Variants in APC observed in about 807,000 individuals in gnomAD.
APC encodes adenomatous polyposis coli protein.
A neutral mutation model predicts 247.0 loss-of-function variants in APC; 72 were observed. The ratio of observed to expected loss-of-function variants is 0.29; its 90% CI spans 0.24 to 0.35. The LOEUF is 0.35. APC is among the 10% of genes least tolerant of loss of function. The pLI is 1.00. For synonymous variants in APC, 1,254 were observed against 1,162.5 expected (o/e 1.08, Z -1.60); for missense variants, 3,400 against 3,360.7 (o/e 1.01, Z -0.29).
Position 112,805,929 on chromosome 5 carries a change from A to G in APC, c.834+4546A>G, listed in dbSNP as rs1465651998. ...GCTTCCCTTGATTCTTAGAAAAATG[A>G]TAACCATTTATTGTGACCCAGGTAA... On this transcript the variant is annotated intron_variant, in intron 8 of 15. Coordinates refer to ENST00000257430, the MANE Select transcript of APC (RefSeq NM_000038.6). Among the ~76,000 whole-genome samples the G allele has an allele frequency of 2.0e-5, 3 of 152,300 alleles. No individual in the cohort carries two copies. In the Middle Eastern group the frequency reaches 0.01, roughly 518 times the overall value.
chr5:112,789,755 C>G (rs114697176), intron 6 of APC, among the ~76,000 whole-genome samples: 1,712 of 152,288 alleles, frequency 0.011, 19 homozygotes, highest in Non-Finnish European at 0.014. Context: ...AATGATCACT[C>G]ATCTTTGCAA....
chr5:112,726,439 C>T (rs1418576700), intron 1 of APC, among the ~76,000 whole-genome samples: 4 of 152,160 alleles, frequency 2.6e-5, no homozygotes, highest in African/African-American at 7.2e-5. Context: ...AAACTCCTCT[C>T]GGCGTTCAAA....
intron 1 of APC, among the ~76,000 whole-genome samples, chr5:112,708,590 G>A (rs778443742): frequency 6.6e-6 from 1 of 152,182 alleles, no homozygotes; most frequent in Non-Finnish European, 1.5e-5. Context: ...TGCAGTACAT[G>A]TAAGACATCA....
chr5:112,759,356 CTTTT>C (rs887438895), intron 2 of APC, among the ~76,000 whole-genome samples: 3 of 122,334 alleles, frequency 2.5e-5, no homozygotes, highest in African/African-American at 6.5e-5. Context: ...TTCTTTCTTT[CTTTT>C]TTTTTTTTTT....
intron 1 of APC, among the ~76,000 whole-genome samples, chr5:112,709,937 C>G (rs570944534): frequency 6.6e-6 from 1 of 152,242 alleles, no homozygotes; most frequent in South Asian, 2.1e-4. Flanking sequence ...CTCTTCCACT[C>G]TTATGGAATT....
At chr5:112,810,003 A>G (rs1216832831) in intron 8 of APC, 1 of 352,352 alleles carries the variant, frequency 2.8e-6, no homozygotes, top group Admixed American at 3.7e-5. Flanking sequence ...CTCAAAAAAA[A>G]AAGTAGAAGA....
intron 7 of APC, among the ~76,000 whole-genome samples, chr5:112,797,787 G>A (rs568294786): frequency 6.6e-6 from 1 of 152,188 alleles, no homozygotes; most frequent in Admixed American, 6.5e-5. Flanking sequence ...ATTTAAATAG[G>A]CATTTCACCA....
intron 1 of APC, among the ~76,000 whole-genome samples, chr5:112,721,597 A>G (rs1300125137): frequency 2.6e-5 from 4 of 152,200 alleles, no homozygotes; most frequent in African/African-American, 9.7e-5. Flanking sequence ...TAATCCACGT[A>G]GACTTTGAAG....
At chr5:112,752,736 A>T (rs915701823) in intron 1 of APC, among the ~76,000 whole-genome samples, 6 of 152,170 alleles carry the variant, frequency 3.9e-5, no homozygotes, top group African/African-American at 1.4e-4. Flanking sequence ...TGGATTAGGG[A>T]GGTATGGCTG....
At chr5:112,764,517 A>AGAAT (rs1330779977) in intron 2 of APC, among the ~76,000 whole-genome samples, 1 of 152,228 alleles carries the variant, frequency 6.6e-6, no homozygotes, top group Non-Finnish European at 1.5e-5. Context: ...TTTAACTGAG[A>AGAAT]GAATACAAGG....
rs1299245143 is a variant in APC at position 112,844,873 on chromosome 5, A to G, written c.*747A>G. Reference sequence around the variant, plus strand: ...TTTGCTATGCTGTAATTTGTTGTATATTCTGGTATTTGAGGTGAGATGGCT... The same window carrying G: ...TTTGCTATGCTGTAATTTGTTGTATGTTCTGGTATTTGAGGTGAGATGGCT... On this transcript the variant is annotated 3_prime_UTR_variant, in exon 16 of 16. Coordinates refer to ENST00000257430, the MANE Select transcript of APC (RefSeq NM_000038.6). 4.3e-6 allele frequency: 1 copy of G among 232,340 alleles called. No individual in the cohort carries two copies. Among genetic ancestry groups the G allele is most frequent in the Admixed American group, 5.6e-5 (1 of 17,758 alleles). 14.4% of individuals were successfully genotyped at this position (232,340 alleles called of 1,614,324 possible). A position where few individuals can be genotyped will look rare whatever the true frequency, so the allele number is the denominator to read the frequency against.
intron 8 of APC, among the ~76,000 whole-genome samples, chr5:112,812,708 G>A (rs917232431): frequency 4.6e-5 from 7 of 152,170 alleles, no homozygotes; most frequent in East Asian, 1.9e-4. Context: ...TTACCCACAC[G>A]TATTTTCATG....
At chr5:112,770,192 A>C (rs1756884596) in intron 4 of APC, among the ~76,000 whole-genome samples, 1 of 152,220 alleles carries the variant, frequency 6.6e-6, no homozygotes, top group African/African-American at 2.4e-5. Flanking sequence ...GTGGTAAGGA[A>C]TACTTGTAAT....
intron 7 of APC, among the ~76,000 whole-genome samples, chr5:112,795,741 A>T (rs1760148623): frequency 6.6e-6 from 1 of 152,250 alleles, no homozygotes; most frequent in East Asian, 1.9e-4. Context: ...CAAAGTGTCA[A>T]ATACGTTTTT....
At chr5:112,787,093 GC>G (rs1759044507) in intron 6 of APC, among the ~76,000 whole-genome samples, 2 of 151,928 alleles carry the variant, frequency 1.3e-5, no homozygotes, top group South Asian at 4.2e-4. Context: ...TCACTATGTT[GC>G]CCAGTCTGGC....
intron 6 of APC, among the ~76,000 whole-genome samples, chr5:112,789,984 C>G (rs1161149888): frequency 6.6e-6 from 1 of 152,204 alleles, no homozygotes; most frequent in Non-Finnish European, 1.5e-5. Context: ...CTCAGCTTCC[C>G]AAGTCACTGG....
At chr5:112,788,476 C>G (rs908138278) in intron 6 of APC, among the ~76,000 whole-genome samples, 2 of 152,174 alleles carry the variant, frequency 1.3e-5, no homozygotes, top group East Asian at 3.8e-4. Flanking sequence ...GGTAAATTCT[C>G]TGCCTCAGTT....
intron 6 of APC, chr5:112,783,839 T>C (rs1452048122): frequency 6.4e-6 from 2 of 312,348 alleles, no homozygotes; most frequent in African/African-American, 4.7e-5. Flanking sequence ...AATAGCAAAA[T>C]AGTCAGAAGA....
At position 112,846,112 on chromosome 5, in the gene APC, C is replaced by T. The variant is rs1766974503; in HGVS notation, c.*1986C>T. The T allele has an allele frequency of 4.3e-6, 1 of 232,198 alleles. No homozygotes were observed. The highest frequency in any genetic ancestry group is 8.5e-6 in the Non-Finnish European group (1 of 117,516). 14.4% of individuals were successfully genotyped at this position (232,198 alleles called of 1,614,324 possible). ...TGTGTCTACTGCACCACTTTGTAAA[C>T]ACTTCAATTTACTATCTTTGAAATG... On this transcript the variant is annotated 3_prime_UTR_variant, in exon 16 of 16. Coordinates refer to ENST00000257430, the MANE Select transcript of APC (RefSeq NM_000038.6).
Sources: allele counts gnomAD v4.1 joint callset (sites outside exome capture counted in the v4.1 genomes callset), GRCh38; gene constraint gnomAD v4.1.1; transcripts MANE v1.5; gene names NCBI Gene and HGNC (gene_info 2026-07-23, HGNC 2026-07-21).